ESR2: variants seen among roughly 807,000 people sequenced by gnomAD.
The protein encoded by ESR2 is estrogen receptor beta.
A neutral mutation model predicts 49.6 loss-of-function variants in ESR2; 36 were observed. The observed-to-expected ratio is 0.73, with a 90% CI of 0.56 to 0.96. The LOEUF (loss-of-function observed/expected upper bound fraction) is 0.96. Among genes scored for constraint, ESR2 ranks in the 40% least tolerant of loss-of-function variants. ESR2 has a pLI of 0.00. For missense variants in ESR2, 714 were observed against 693.0 expected, an observed-to-expected ratio of 1.03 and a Z score of -0.34; for synonymous variants, 320 against 266.1, an observed-to-expected ratio of 1.20 and a Z score of -1.97.
At chr14:64,263,631 A>G (rs1181715313) in intron 4 of ESR2, among the ~76,000 whole-genome samples, 1 of 152,200 alleles carries the variant, frequency 6.6e-6, no homozygotes, top group Non-Finnish European at 1.5e-5. Context: ...CCTGGGTGAC[A>G]GAGCAAGACT....
intron 7 of ESR2, among the ~76,000 whole-genome samples, chr14:64,245,290 G>A (rs1200814057): frequency 6.6e-6 from 1 of 152,058 alleles, no homozygotes. Flanking sequence ...GAGGCAAGCG[G>A]ATCACGAGGT....
chr14:64,228,031 T>G (rs17225885), downstream of ESR2: 79,326 of 1,488,042 alleles, frequency 0.053, 2,579 homozygotes, highest in African/African-American at 0.12. Context: ...TGCATTTTAC[T>G]TGTATACACA....
upstream of ESR2, among the ~76,000 whole-genome samples, chr14:64,294,849 G>T (rs1032053586): frequency 2.6e-5 from 4 of 152,248 alleles, no homozygotes; most frequent in Non-Finnish European, 5.9e-5. Flanking sequence ...GAGGTGGAGG[G>T]AGTGGGTTCT....
chr14:64,282,175 C>A (rs2076683973), intron 2 of ESR2, among the ~76,000 whole-genome samples: 1 of 152,146 alleles, frequency 6.6e-6, no homozygotes, highest in Admixed American at 6.5e-5. Context: ...GAAACCCTGT[C>A]TCTACTAAAA....
intron 1 of ESR2, among the ~76,000 whole-genome samples, chr14:64,324,940 T>C (rs868603623): frequency 6.6e-5 from 10 of 152,210 alleles, no homozygotes; most frequent in Non-Finnish European, 1.0e-4. Flanking sequence ...CTTCTGTTAA[T>C]AGATGTAGCA....
chr14:64,315,306 G>A (rs944905048), intron 1 of ESR2, among the ~76,000 whole-genome samples: 1 of 149,336 alleles, frequency 6.7e-6, no homozygotes, highest in African/African-American at 2.5e-5. Flanking sequence ...TATTCAGAAT[G>A]CAAGGTCTAT....
chr14:64,234,934 C>T (rs768095347), intron 8 of ESR2, 36 bp downstream of exon 8: 2 of 1,602,662 alleles, frequency 1.2e-6, no homozygotes, highest in Non-Finnish European at 1.7e-6. Flanking sequence ...TAATCCCATC[C>T]CAAGCCCAAG....
chr14:64,258,799 A>G (rs957980155), intron 5 of ESR2, among the ~76,000 whole-genome samples: 131 of 152,350 alleles, frequency 8.6e-4, no homozygotes, highest in African/African-American at 2.8e-3. Context: ...AAGCCTACCC[A>G]AGAGAGATCA....
intron 1 of ESR2, among the ~76,000 whole-genome samples, chr14:64,283,747 CAAAAAA>C (rs757997424): frequency 2.2e-5 from 1 of 45,548 alleles, no homozygotes; most frequent in Admixed American, 3.5e-4. Flanking sequence ...GACCCTGTCT[CAAAAAA>C]AAAAAAAAAA....
intron 1 of ESR2, among the ~76,000 whole-genome samples, chr14:64,313,085 C>T (rs2077203479): frequency 1.3e-5 from 2 of 151,966 alleles, no homozygotes; most frequent in Admixed American, 6.6e-5. Flanking sequence ...AGGAAAGTGT[C>T]AAACAAAGTA....
chr14:64,262,669 G>A (rs1158416504), intron 4 of ESR2, among the ~76,000 whole-genome samples: 1 of 151,960 alleles, frequency 6.6e-6, no homozygotes, highest in African/African-American at 2.4e-5. Context: ...GTTTCGGCGG[G>A]TGGGGCGGGA....
chr14:64,239,983 T>C (rs565469222), intron 7 of ESR2, among the ~76,000 whole-genome samples: 82 of 152,364 alleles, frequency 5.4e-4, no homozygotes, highest in African/African-American at 1.9e-3. Context: ...CTAAATCATT[T>C]TGACATCCTT....
chr14:64,251,998 G>A (rs927546289), intron 6 of ESR2, among the ~76,000 whole-genome samples: 1 of 152,104 alleles, frequency 6.6e-6, no homozygotes, highest in Non-Finnish European at 1.5e-5. Flanking sequence ...TAAGAAATTA[G>A]GACAGGGTTA....
chr14:64,279,337 A>G (rs889673898), intron 3 of ESR2, among the ~76,000 whole-genome samples: 1 of 152,212 alleles, frequency 6.6e-6, no homozygotes, highest in African/African-American at 2.4e-5. Context: ...GGCTCAGAAT[A>G]AATCTCTTCA....
intron 4 of ESR2, 55 bp downstream of exon 4, chr14:64,268,717 GCTACCTGTCCCCAGTTCCTCAGA>G: frequency 8.7e-6 from 7 of 803,464 alleles, no homozygotes; most frequent in Non-Finnish European, 1.5e-5. Context: ...TCTTTTCCCG[GCTACCTGTCCCCAGTTCCTCAGA>G]GGACAGGGCT....
intron 5 of ESR2, 33 bp from the exon 6 acceptor site, chr14:64,257,397 A>G (rs756105591): frequency 1.2e-6 from 2 of 1,609,928 alleles, no homozygotes; most frequent in East Asian, 4.5e-5. Flanking sequence ...AGACACCCCC[A>G]CCCCTCCTCC....
In ESR2 at chr14:64,282,960, C is replaced by A. The variant is rs771475824; in HGVS notation, c.26G>T (p.Ser9Ile). ...GTTGTAGGAGGAAGGAGAATTAAGGCTAGATGGTGAGTTTTTTATATCCAT... is the reference window on the plus strand; with the variant it reads ...GTTGTAGGAGGAAGGAGAATTAAGGATAGATGGTGAGTTTTTTATATCCAT... Reference protein sequence around the residue: MDIKNSPSSLNSPSSYNCS... With the variant: MDIKNSPSILNSPSSYNCS... The change falls in exon 2 of 9, where the codon AGC becomes ATC. Residue 9 changes from serine to isoleucine, a missense_variant. Coordinates refer to ENST00000341099, the MANE Select transcript of ESR2 (RefSeq NM_001437.3). 5.0e-6 allele frequency: 8 copies of A among 1,612,974 alleles called. No individual in the cohort carries two copies. In the East Asian group the frequency reaches 1.6e-4, roughly 31 times the overall value.
At chr14:64,283,706 C>A (rs866825732) in intron 1 of ESR2, among the ~76,000 whole-genome samples, 123 of 132,896 alleles carry the variant, frequency 9.3e-4, no homozygotes, top group Middle Eastern at 8.9e-3. Flanking sequence ...AGAGATTGTG[C>A]CACCGCGCTC....
chr14:64,250,290 G>C (rs1245540074), intron 6 of ESR2, among the ~76,000 whole-genome samples: 3 of 152,132 alleles, frequency 2.0e-5, no homozygotes, highest in Non-Finnish European at 2.9e-5. Context: ...AGGAAAAGAA[G>C]GTATACATGG....
Sources: allele counts gnomAD v4.1 joint callset (sites outside exome capture counted in the v4.1 genomes callset), GRCh38; gene constraint gnomAD v4.1.1; transcripts MANE v1.5; gene names NCBI Gene and HGNC (gene_info 2026-07-23, HGNC 2026-07-21).